The following KCNH5 variants were observed in gnomAD, a reference collection of about 807,000 sequenced individuals.
The protein encoded by KCNH5 is voltage-gated delayed rectifier potassium channel KCNH5.
In KCNH5, 46 loss-of-function variants were observed where a neutral mutation model predicts 96.1. The ratio of observed to expected loss-of-function variants is 0.48; its 90% CI spans 0.38 to 0.61. KCNH5 has a LOEUF of 0.61. Among genes scored for constraint, KCNH5 ranks in the 20% least tolerant of loss-of-function variants. The pLI is 0.00. For missense variants in KCNH5, 907 were observed against 1,225.8 expected (o/e 0.74, Z 3.88); for synonymous variants, 439 against 449.8 (o/e 0.98, Z 0.30).
chr14:62,872,788 T>C (rs1391534044), intron 7 of KCNH5, among the ~76,000 whole-genome samples: 1 of 152,162 alleles, frequency 6.6e-6, no homozygotes, highest in African/African-American at 2.4e-5. Context: ...TTCTAAGAAC[T>C]TGCCTTCTAC....
At chr14:62,741,594 A>C (rs182721900) in intron 10 of KCNH5, among the ~76,000 whole-genome samples, 5 of 152,268 alleles carry the variant, frequency 3.3e-5, no homozygotes, top group Admixed American at 3.3e-4. Flanking sequence ...ATCAACCCTT[A>C]TGAGTGATAT....
chr14:62,965,022 G>A (rs971664068), intron 6 of KCNH5, among the ~76,000 whole-genome samples: 2 of 152,072 alleles, frequency 1.3e-5, no homozygotes, highest in African/African-American at 2.4e-5. Flanking sequence ...GGATTTGTGT[G>A]CTTGTTCACT....
intron 10 of KCNH5, among the ~76,000 whole-genome samples, chr14:62,748,750 C>T (rs866144809): frequency 4.6e-5 from 7 of 151,788 alleles, no homozygotes; most frequent in Admixed American, 6.5e-5. Context: ...CTGCGAGTTC[C>T]GACAAAAAAA....
intron 6 of KCNH5, among the ~76,000 whole-genome samples, chr14:62,976,402 C>CAAA (rs58791042): frequency 5.9e-5 from 5 of 85,308 alleles, no homozygotes; most frequent in African/African-American, 1.8e-4. Flanking sequence ...GACTCCATGT[C>CAAA]AAAAAAAAAA....
intron 10 of KCNH5, among the ~76,000 whole-genome samples, chr14:62,769,456 A>G (rs1037110619): frequency 1.3e-5 from 2 of 152,128 alleles, no homozygotes; most frequent in African/African-American, 4.8e-5. Flanking sequence ...ATAAGGCACT[A>G]CTCTGACAAT....
intron 1 of KCNH5, among the ~76,000 whole-genome samples, 200 bp from the exon 2 acceptor site, chr14:63,017,154 A>G (rs1234848050): frequency 1.3e-5 from 2 of 152,110 alleles, no homozygotes; most frequent in Non-Finnish European, 2.9e-5. Context: ...TCGAATTTAT[A>G]TACAAACTAA....
intron 7 of KCNH5, among the ~76,000 whole-genome samples, chr14:62,908,774 T>G (rs1266084872): frequency 1.4e-5 from 2 of 146,872 alleles, no homozygotes; most frequent in East Asian, 4.0e-4. Context: ...TTGTTGATTT[T>G]GCTTTGTATT....
chr14:62,980,511 G>A (rs1222588919), intron 6 of KCNH5, among the ~76,000 whole-genome samples: 2 of 152,070 alleles, frequency 1.3e-5, no homozygotes, highest in African/African-American at 2.4e-5. Flanking sequence ...TGTGGTTTTT[G>A]CCATTAAAAG....
intron 7 of KCNH5, among the ~76,000 whole-genome samples, chr14:62,942,892 C>G (rs983891640): frequency 6.6e-6 from 1 of 152,094 alleles, no homozygotes; most frequent in African/African-American, 2.4e-5. Flanking sequence ...CACAGCAGGA[C>G]AAATTCTCAT....
chr14:62,897,130 C>T (rs1013946374), intron 7 of KCNH5, among the ~76,000 whole-genome samples: 2 of 152,150 alleles, frequency 1.3e-5, no homozygotes, highest in Non-Finnish European at 2.9e-5. Flanking sequence ...TCCCCTCCTC[C>T]CCATTAATAG....
At chr14:63,009,950 C>T (rs2139600868) in intron 2 of KCNH5, among the ~76,000 whole-genome samples, 1 of 152,288 alleles carries the variant, frequency 6.6e-6, no homozygotes, top group Non-Finnish European at 1.5e-5. Context: ...CCATAGTTTT[C>T]ATATCTTCTA....
At chr14:62,855,270 C>T (rs1012888262) in intron 7 of KCNH5, among the ~76,000 whole-genome samples, 3 of 152,006 alleles carry the variant, frequency 2.0e-5, no homozygotes, top group South Asian at 2.1e-4. Flanking sequence ...GTAGGTGGTT[C>T]GACCATTCCG....
chr14:62,940,884 A>G (rs1889774425), intron 7 of KCNH5, among the ~76,000 whole-genome samples: 1 of 152,198 alleles, frequency 6.6e-6, no homozygotes, highest in Non-Finnish European at 1.5e-5. Context: ...TAAATACACA[A>G]TGATGAACAG....
chr14:62,802,045 C>T lies in KCNH5; in HGVS notation c.1822+284G>A, dbSNP rs138272890. ...CACAAGCCATTTTCACACTTACTAA[C>T]ATGGAGCTACAAGGCACGTTAGGCT... is the stretch of plus-strand genomic sequence containing the variant. On this transcript the variant is annotated intron_variant, in intron 9 of 10. Transcript: ENST00000322893. Among the ~76,000 whole-genome samples the T allele has an allele frequency of 6.9e-3, 1,057 of 152,258 alleles. 9 individuals carry two copies. Among genetic ancestry groups the T allele is most frequent in the Non-Finnish European group, 0.01 (686 of 68,010 alleles).
chr14:62,826,546 T>C (rs552732800), intron 8 of KCNH5, among the ~76,000 whole-genome samples: 49 of 152,190 alleles, frequency 3.2e-4, no homozygotes, highest in Admixed American at 1.2e-3. Context: ...CTCTATCTTA[T>C]ATTTACTATG....
intron 4 of KCNH5, among the ~76,000 whole-genome samples, chr14:62,999,170 T>C (rs1209537372): frequency 6.6e-6 from 1 of 152,188 alleles, no homozygotes; most frequent in African/African-American, 2.4e-5. Context: ...AAAGTGTTCC[T>C]ATTTCTCCAC....
At chr14:62,872,360 T>C (rs1473458311) in intron 7 of KCNH5, among the ~76,000 whole-genome samples, 2 of 152,232 alleles carry the variant, frequency 1.3e-5, no homozygotes, top group Non-Finnish European at 2.9e-5. Context: ...AAGTATTACA[T>C]TGAAATATCT....
At chr14:62,997,869 C>G (rs1594666623) in intron 4 of KCNH5, among the ~76,000 whole-genome samples, 1 of 125,366 alleles carries the variant, frequency 8.0e-6, no homozygotes, top group Non-Finnish European at 1.6e-5. Flanking sequence ...CACTGCACTC[C>G]AACCTGGGGG....
In KCNH5 at chr14:62,701,026, T is replaced by C. The variant is rs944327072; in HGVS notation, c.*6482A>G. 2.1e-4 allele frequency: 32 copies of C among 152,168 alleles called. No individual in the cohort carries two copies. The highest frequency in any genetic ancestry group is 1.8e-3 in the Admixed American group (27 of 15,278). 9.4% of individuals were successfully genotyped at this position (152,168 alleles called of 1,614,324 possible). On this transcript the variant is annotated 3_prime_UTR_variant, in exon 11 of 11. Coordinates refer to ENST00000322893, the MANE Select transcript of KCNH5 (RefSeq NM_139318.5). ...ATACTCAATCTGGTTTATTGAAGCT[T>C]CAAGGTGAATATTTTGGCTTTGACT...
Sources: allele counts gnomAD v4.1 joint callset (sites outside exome capture counted in the v4.1 genomes callset), GRCh38; gene constraint gnomAD v4.1.1; transcripts MANE v1.5; gene names NCBI Gene and HGNC (gene_info 2026-07-23, HGNC 2026-07-21).